The following MEF2A variants were observed in gnomAD, a reference collection of about 807,000 sequenced individuals.
The protein encoded by MEF2A is myocyte enhancer factor 2A.
Under a neutral mutation model 55.8 loss-of-function variants are expected in MEF2A, and 28 were observed. That is an observed-to-expected ratio of 0.50 (90% CI 0.37 to 0.69). The LOEUF (loss-of-function observed/expected upper bound fraction) is 0.69. MEF2A is among the 30% of genes least tolerant of loss of function. The probability of loss-of-function intolerance (pLI) is 0.00; values close to 1 mark genes in which losing one functional copy is unlikely to be tolerated. For missense variants in MEF2A, 528 were observed against 626.2 expected, an observed-to-expected ratio of 0.84 and a Z score of 1.67; for synonymous variants, 239 against 227.1, an observed-to-expected ratio of 1.05 and a Z score of -0.47.
At chr15:99,620,988 G>T (rs2153265341) in intron 2 of MEF2A, 1 of 152,090 alleles carries the variant, frequency 6.6e-6, no homozygotes, top group Admixed American at 6.6e-5. Flanking sequence ...GGGATTACAG[G>T]CGCCTGCCAC....
rs1555454713 is a variant in MEF2A, at chr15:99,602,653, G to GGGGTGTGT, written c.-143+4143_-143+4144insGGTGTGTG. Among the ~76,000 whole-genome samples the GGGGTGTGT allele has an allele frequency of 3.9e-3, 176 of 44,858 alleles. 3 individuals carry two copies. Among genetic ancestry groups the GGGGTGTGT allele is most frequent in the East Asian group, 0.011 (13 of 1,146 alleles). The allele number at this position is 44,858 out of a possible 152,430, so 29.4% of individuals were successfully genotyped here. A position where few individuals can be genotyped will look rare whatever the true frequency, so the allele number is the denominator to read the frequency against. ...CCTGGTGGTTGCCTGACATTCCTGG[G>GGGGTGTGT]GTGTGTGTGTGTGTGTGTGTGTGTG... On this transcript the variant is annotated intron_variant, in intron 2 of 11. Transcript: ENST00000557942.
chr15:99,587,161 A>G (rs555131256), intron 1 of MEF2A, among the ~76,000 whole-genome samples: 1 of 152,078 alleles, frequency 6.6e-6, no homozygotes, highest in South Asian at 2.1e-4. Flanking sequence ...GCACCCATCA[A>G]CCCATCATCT....
At chr15:99,597,919 A>G (rs1292257319) in intron 1 of MEF2A, among the ~76,000 whole-genome samples, 1 of 152,220 alleles carries the variant, frequency 6.6e-6, no homozygotes, top group Admixed American at 6.5e-5. Flanking sequence ...TTCCCTTTAA[A>G]ATATAGCTAG....
At chr15:99,683,764 T>A (rs972050751) in intron 7 of MEF2A, among the ~76,000 whole-genome samples, 44 of 151,570 alleles carry the variant, frequency 2.9e-4, no homozygotes, top group South Asian at 2.3e-3. Flanking sequence ...ACAAGTGGTG[T>A]TTTGTTGCAT....
At chr15:99,574,744 T>C (rs1334053943) in intron 1 of MEF2A, among the ~76,000 whole-genome samples, 1 of 152,186 alleles carries the variant, frequency 6.6e-6, no homozygotes, top group East Asian at 1.9e-4. Flanking sequence ...GCTCATCTCT[T>C]GCTGTGTGGC....
intron 1 of MEF2A, among the ~76,000 whole-genome samples, chr15:99,581,401 AT>A (rs1965872617): frequency 1.3e-5 from 2 of 148,554 alleles, no homozygotes; most frequent in Non-Finnish European, 3.0e-5. Flanking sequence ...TTGGGACTTC[AT>A]TTATGAGCTT....
intron 1 of MEF2A, among the ~76,000 whole-genome samples, chr15:99,588,624 T>G (rs1410838050): frequency 4.6e-5 from 7 of 151,334 alleles, no homozygotes; most frequent in Non-Finnish European, 1.0e-4. Flanking sequence ...TGTATTTTTT[T>G]GTAGAGATGG....
chr15:99,665,267 A>C (rs558273281), intron 4 of MEF2A, among the ~76,000 whole-genome samples: 1 of 152,196 alleles, frequency 6.6e-6, no homozygotes, highest in Non-Finnish European at 1.5e-5. Context: ...GGAAATTTTA[A>C]ACTCAAGAGC....
At chr15:99,697,536 A>T (rs1165864289) in intron 8 of MEF2A, among the ~76,000 whole-genome samples, 1 of 152,176 alleles carries the variant, frequency 6.6e-6, no homozygotes. Flanking sequence ...AAATATGTAC[A>T]GTCTGTATGT....
At chr15:99,666,479 A>T (rs1211610960) in intron 4 of MEF2A, among the ~76,000 whole-genome samples, 1 of 151,864 alleles carries the variant, frequency 6.6e-6, no homozygotes, top group Non-Finnish European at 1.5e-5. Flanking sequence ...GAAGTACGTA[A>T]TGTAGATGAT....
intron 1 of MEF2A, among the ~76,000 whole-genome samples, chr15:99,572,013 G>GTTTTTTTTTTTTTT (rs36027608): frequency 1.6e-5 from 2 of 128,374 alleles, no homozygotes; most frequent in Non-Finnish European, 3.3e-5. Flanking sequence ...CTCCATAGAA[G>GTTTTTTTTTTTTTT]TTTTTTTTTT....
At chr15:99,663,806 C>G (rs1018051891) in intron 4 of MEF2A, among the ~76,000 whole-genome samples, 1 of 152,138 alleles carries the variant, frequency 6.6e-6, no homozygotes, top group African/African-American at 2.4e-5. Flanking sequence ...TTTGTCCTCT[C>G]AAGTATCTTT....
chr15:99,606,276 A>G (rs1975092435), intron 2 of MEF2A, among the ~76,000 whole-genome samples: 1 of 152,232 alleles, frequency 6.6e-6, no homozygotes, highest in Non-Finnish European at 1.5e-5. Flanking sequence ...AACATGAAAG[A>G]CAAAACTGAA....
At position 99,627,419 on chromosome 15, in the gene MEF2A, C is replaced by CAAAAA. The variant is rs139658538; in HGVS notation, c.-142-5532_-142-5528dup. Among the ~76,000 whole-genome samples, 17 of 43,058 alleles carry CAAAAA rather than the reference C, an allele frequency of 3.9e-4. 2 individuals are homozygous for CAAAAA. The highest frequency in any genetic ancestry group is 2.7e-3 in the East Asian group (3 of 1,114). The allele number at this position is 43,058 out of a possible 152,430, so 28.2% of individuals were successfully genotyped here. A position where few individuals can be genotyped will look rare whatever the true frequency, so the allele number is the denominator to read the frequency against. On this transcript the variant is annotated intron_variant, in intron 2 of 11. Transcript: ENST00000557942. ...TGGGCGACAGAGTGAGACTTTATCT[C>CAAAAA]AAAAAAAAAAAAAAAAAAAAAAAAA...
At chr15:99,674,668 T>G in intron 6 of MEF2A, 56 bp downstream of exon 6, 1 of 1,404,184 alleles carries the variant, frequency 7.1e-7, no homozygotes, top group Non-Finnish European at 1.0e-6. Flanking sequence ...AAAAAATTCA[T>G]TGCTAACATA....
chr15:99,633,040 C>A lies in MEF2A; in HGVS notation c.-80C>A. On this transcript the variant is annotated 5_prime_UTR_variant, in exon 3 of 12. Coordinates refer to ENST00000557942, the MANE Select transcript of MEF2A (RefSeq NM_001319206.4). ...AAGCTGAAATAACAGAAGCTGTGTACGATGCATTAGGGTATTGAAGAAAAT... is the reference window on the plus strand; with the variant it reads ...AAGCTGAAATAACAGAAGCTGTGTAAGATGCATTAGGGTATTGAAGAAAAT... The A allele has an allele frequency of 1.7e-6, 2 of 1,149,524 alleles. No homozygotes were observed. Among genetic ancestry groups the A allele is most frequent in the Non-Finnish European group, 2.5e-6 (2 of 794,044 alleles). The allele number at this position is 1,149,524 out of a possible 1,614,324, so 71.2% of individuals were successfully genotyped here.
chr15:99,594,569 A>T (rs987865867), intron 1 of MEF2A, among the ~76,000 whole-genome samples: 8 of 149,530 alleles, frequency 5.4e-5, no homozygotes, highest in African/African-American at 2.0e-4. Context: ...CCCTCCCCAG[A>T]GGTTGGGAGT....
In MEF2A at chr15:99,634,677, G is replaced by A. The variant is rs1330612932; in HGVS notation, c.54+1504G>A. On this transcript the variant is annotated intron_variant, in intron 3 of 11. Transcript: ENST00000557942. ...GTAGAGAGAAAGAGCAGCTAGGAAT[G>A]TGTAGGTGACGGTAATGGAACTTTC... Among the ~76,000 whole-genome samples, 5 of 152,176 alleles carry A rather than the reference G, an allele frequency of 3.3e-5. No homozygotes were observed. The East Asian group carries it at 9.6e-4, about 29-fold the overall frequency.
chr15:99,638,059 T>G (rs1355887754), intron 3 of MEF2A, among the ~76,000 whole-genome samples: 2 of 152,246 alleles, frequency 1.3e-5, no homozygotes, highest in Non-Finnish European at 2.9e-5. Context: ...ATTGGACATT[T>G]GTATATCTTC....
Sources: allele counts gnomAD v4.1 joint callset (sites outside exome capture counted in the v4.1 genomes callset), GRCh38; gene constraint gnomAD v4.1.1; transcripts MANE v1.5; gene names NCBI Gene and HGNC (gene_info 2026-07-23, HGNC 2026-07-21).